The following SDK1 variants were observed in gnomAD, a reference collection of about 807,000 sequenced individuals.
SDK1 encodes sidekick cell adhesion molecule 1.
A neutral mutation model predicts 245.5 loss-of-function variants in SDK1; 157 were observed. The observed-to-expected ratio is 0.64, with a 90% CI of 0.56 to 0.73. The LOEUF (loss-of-function observed/expected upper bound fraction) is 0.73, where lower values mean the gene tolerates loss of function less well. Ranked by LOEUF, SDK1 falls within the 30% of genes least tolerant of loss-of-function variation. The probability of loss-of-function intolerance (pLI) is 0.00; values close to 1 mark genes in which losing one functional copy is unlikely to be tolerated. For missense variants in SDK1, 3,583 were observed against 3,002.3 expected (o/e 1.19, Z -4.52); for synonymous variants, 1,647 against 1,278.5 (o/e 1.29, Z -6.15).
At chr7:3,433,497 C>A (rs1301994134) in intron 1 of SDK1, among the ~76,000 whole-genome samples, 1 of 152,006 alleles carries the variant, frequency 6.6e-6, no homozygotes, top group South Asian at 2.1e-4. Flanking sequence ...TTTTCTCTTT[C>A]TGTGTCTGCA....
In SDK1 at chr7:3,809,514, G is replaced by A. The variant is rs577931755; in HGVS notation, c.714-11936G>A. On this transcript the variant is annotated intron_variant, in intron 4 of 44. Coordinates refer to ENST00000404826, the MANE Select transcript of SDK1 (RefSeq NM_152744.4). ...GGCACAGCTTTGTCACTCGGCAATCGAAAAGAGTCTTAACACGAGAGTGGA... is the reference window on the plus strand; with the variant it reads ...GGCACAGCTTTGTCACTCGGCAATCAAAAAGAGTCTTAACACGAGAGTGGA... Among the ~76,000 whole-genome samples, 560 of 152,270 alleles carry A rather than the reference G, an allele frequency of 3.7e-3. 5 individuals are homozygous for A. The highest frequency in any genetic ancestry group is 0.013 in the African/African-American group (540 of 41,552).
chr7:3,639,137 A>T (rs1429511105), intron 3 of SDK1, 27 bp downstream of exon 3: 1 of 1,327,876 alleles, frequency 7.5e-7, no homozygotes, highest in Non-Finnish European at 1.1e-6. Flanking sequence ...GAGATGTCCA[A>T]ATGTTAAAGA....
chr7:3,416,613 A>G (rs1248392010), intron 1 of SDK1, among the ~76,000 whole-genome samples: 1 of 152,044 alleles, frequency 6.6e-6, no homozygotes, highest in Admixed American at 6.6e-5. Context: ...TACTTCTTCT[A>G]GTCCAGCCTT....
chr7:3,998,411 ACTT>A (rs1784837890), intron 14 of SDK1, among the ~76,000 whole-genome samples: 1 of 152,120 alleles, frequency 6.6e-6, no homozygotes, highest in African/African-American at 2.4e-5. Context: ...TTCCATTCCC[ACTT>A]CTTAGGATTT....
intron 24 of SDK1, 106 bp from the exon 25 acceptor site, chr7:4,113,931 C>G (rs1358861019): frequency 1.3e-6 from 1 of 792,858 alleles, no homozygotes; most frequent in East Asian, 2.5e-5. Context: ...CCCCCAGGAA[C>G]ACCTCCTCCA....
chr7:4,102,757 G>A (rs553183717), intron 22 of SDK1, among the ~76,000 whole-genome samples: 7 of 152,154 alleles, frequency 4.6e-5, no homozygotes, highest in South Asian at 4.2e-4. Context: ...GCCCACTGGC[G>A]CCAAACCCCG....
At chr7:3,815,402 A>G (rs375114693) in intron 4 of SDK1, among the ~76,000 whole-genome samples, 5 of 144,040 alleles carry the variant, frequency 3.5e-5, no homozygotes, top group Non-Finnish European at 4.5e-5. Context: ...CTCTGTTTCT[A>G]TGCTGGATTA....
rs534412500 is a variant in SDK1 at position 3,538,402 on chromosome 7, CT to C, written c.299-80674del. Reference sequence around the variant, plus strand: ...AAAAAATCAGTTCAGGTATAAATTTCTTTTCATTAATTTTGCCTTTTAATGT... The same window carrying C: ...AAAAAATCAGTTCAGGTATAAATTTCTTTCATTAATTTTGCCTTTTAATGT... On this transcript the variant is annotated intron_variant, in intron 1 of 44. Transcript: ENST00000404826. 3.1e-3 allele frequency among the ~76,000 whole-genome samples: 476 copies of C among 152,062 alleles called. 1 individual carries two copies. Among genetic ancestry groups the C allele is most frequent in the Non-Finnish European group, 5.2e-3 (356 of 67,966 alleles).
chr7:4,051,622 C>A lies in SDK1; in HGVS notation c.2719-16C>A. 1 of 1,604,692 alleles carries A rather than the reference C, an allele frequency of 6.2e-7. No individual in the cohort carries two copies. Among genetic ancestry groups the A allele is most frequent in the Non-Finnish European group, 8.5e-7 (1 of 1,175,626 alleles). ...CATTGAAAACAGGCTGTCTTTTTCA[C>A]CCTGTTCCATCTCAGCTTCTGGCAT... On this transcript the variant is annotated splice_polypyrimidine_tract_variant and intron_variant, in intron 18 of 44. Transcript: ENST00000404826.
chr7:3,683,033 C>T (rs371187904), intron 4 of SDK1, among the ~76,000 whole-genome samples: 5 of 152,174 alleles, frequency 3.3e-5, no homozygotes, highest in African/African-American at 1.2e-4. Context: ...CACGCGCGGC[C>T]TGGATTTATA....
chr7:3,418,764 T>G (rs1779453096), intron 1 of SDK1, among the ~76,000 whole-genome samples: 1 of 152,174 alleles, frequency 6.6e-6, no homozygotes, highest in Non-Finnish European at 1.5e-5. Context: ...TAACAATAAT[T>G]ACACTCAAGA....
chr7:4,012,991 C>T (rs895464831), intron 16 of SDK1, among the ~76,000 whole-genome samples: 2 of 152,154 alleles, frequency 1.3e-5, no homozygotes, highest in Non-Finnish European at 2.9e-5. Flanking sequence ...CAGTTGTCAC[C>T]ATGCTGGTAT....
chr7:3,629,006 C>G (rs1207922053), intron 2 of SDK1, among the ~76,000 whole-genome samples: 1 of 151,818 alleles, frequency 6.6e-6, no homozygotes, highest in African/African-American at 2.4e-5. Flanking sequence ...TAAGAGAGCA[C>G]TACAGGCCAA....
At chr7:3,809,873 G>T (rs1779342732) in intron 4 of SDK1, among the ~76,000 whole-genome samples, 1 of 152,142 alleles carries the variant, frequency 6.6e-6, no homozygotes, top group South Asian at 2.1e-4. Context: ...GACTTGTCAG[G>T]AATCGAGAAT....
intron 1 of SDK1, among the ~76,000 whole-genome samples, chr7:3,376,413 CA>C (rs1272157875): frequency 6.6e-6 from 1 of 151,964 alleles, no homozygotes; most frequent in Non-Finnish European, 1.5e-5. Context: ...ACCTGTATTA[CA>C]AAAGGCAGTG....
At chr7:3,327,889 T>C (rs1194876145) in intron 1 of SDK1, among the ~76,000 whole-genome samples, 1 of 152,108 alleles carries the variant, frequency 6.6e-6, no homozygotes, top group African/African-American at 2.4e-5. Context: ...GCACAGAGGG[T>C]GTGTATACCT....
intron 1 of SDK1, 102 bp downstream of exon 1, chr7:3,301,986 C>A (rs1779278618): frequency 2.3e-6 from 2 of 888,272 alleles, no homozygotes; most frequent in African/African-American, 1.8e-5. Context: ...CTTCCCGGCC[C>A]GGGTCGGGAT....
intron 1 of SDK1, among the ~76,000 whole-genome samples, chr7:3,446,344 T>TA (rs1471344073): frequency 1.3e-5 from 2 of 152,168 alleles, no homozygotes; most frequent in African/African-American, 4.8e-5. Context: ...ATGTTTGAGT[T>TA]AAGGTATGAA....
intron 1 of SDK1, among the ~76,000 whole-genome samples, chr7:3,494,177 C>G (rs1279132243): frequency 6.6e-6 from 1 of 152,056 alleles, no homozygotes; most frequent in Non-Finnish European, 1.5e-5. Context: ...ATTATAAAGC[C>G]ATTTTTTATT....
Sources: allele counts gnomAD v4.1 joint callset (sites outside exome capture counted in the v4.1 genomes callset), GRCh38; gene constraint gnomAD v4.1.1; transcripts MANE v1.5; gene names NCBI Gene and HGNC (gene_info 2026-07-23, HGNC 2026-07-21).